The following MAGI2 variants were observed in gnomAD, a reference collection of about 807,000 sequenced individuals.
MAGI2 encodes membrane associated guanylate kinase, WW and PDZ domain containing 2.
MAGI2 carries 35 observed loss-of-function variants against 133.3 expected under a neutral mutation model. That is an observed-to-expected ratio of 0.26 (90% CI 0.20 to 0.35). The LOEUF (loss-of-function observed/expected upper bound fraction) is 0.35, where lower values mean the gene tolerates loss of function less well. Among genes scored for constraint, MAGI2 ranks in the 10% least tolerant of loss-of-function variants. The pLI is 1.00. For missense variants in MAGI2, 1,636 were observed against 1,863.4 expected, an observed-to-expected ratio of 0.88 and a Z score of 2.25; for synonymous variants, 729 against 710.6, an observed-to-expected ratio of 1.03 and a Z score of -0.41.
chr7:78,885,105 A>C (rs1369334159), intron 2 of MAGI2, among the ~76,000 whole-genome samples: 1 of 152,152 alleles, frequency 6.6e-6, no homozygotes, highest in East Asian at 1.9e-4. Flanking sequence ...GCTAAACATT[A>C]GGTACATATG....
intron 6 of MAGI2, among the ~76,000 whole-genome samples, chr7:78,449,675 AT>A (rs1788517937): frequency 6.6e-6 from 1 of 152,004 alleles, no homozygotes; most frequent in South Asian, 2.1e-4. Context: ...TGGCTTCAAA[AT>A]TTTTTTGAGG....
intron 3 of MAGI2, among the ~76,000 whole-genome samples, chr7:78,562,892 AT>A (rs1800555540): frequency 6.6e-6 from 1 of 151,782 alleles, no homozygotes; most frequent in Non-Finnish European, 1.5e-5. Context: ...GCACCTTCCC[AT>A]TTTAGCAGTT....
intron 2 of MAGI2, among the ~76,000 whole-genome samples, chr7:78,933,432 C>T (rs1800289112): frequency 6.6e-6 from 1 of 152,130 alleles, no homozygotes; most frequent in South Asian, 2.1e-4. Context: ...GCTTAGAACA[C>T]AGTGACTGAA....
chr7:78,837,572 T>C (rs1791748972), intron 2 of MAGI2, among the ~76,000 whole-genome samples: 1 of 152,132 alleles, frequency 6.6e-6, no homozygotes, highest in African/African-American at 2.4e-5. Context: ...AAAAAGGAAC[T>C]AACCAGTATA....
intron 3 of MAGI2, among the ~76,000 whole-genome samples, chr7:78,573,933 T>G (rs1802002574): frequency 6.6e-6 from 1 of 152,156 alleles, no homozygotes; most frequent in Admixed American, 6.5e-5. Flanking sequence ...TCCTTAATTC[T>G]CCTATTTTCA....
At chr7:78,203,045 G>A (rs6969704) in intron 10 of MAGI2, among the ~76,000 whole-genome samples, 124,884 of 152,224 alleles carry the variant, frequency 0.82, 51,652 homozygotes, top group Admixed American at 0.89. Context: ...TTGGCTGATT[G>A]ACCATTGTCT....
chr7:79,039,494 A>T (rs1811423131), intron 1 of MAGI2, among the ~76,000 whole-genome samples: 1 of 152,080 alleles, frequency 6.6e-6, no homozygotes, highest in African/African-American at 2.4e-5. Flanking sequence ...CAACAAACAC[A>T]AAAACAGACA....
chr7:78,405,065 G>A (rs1247224956), intron 6 of MAGI2, among the ~76,000 whole-genome samples: 1 of 152,034 alleles, frequency 6.6e-6, no homozygotes, highest in African/African-American at 2.4e-5. Context: ...GACTTCTAAG[G>A]AACTGCTTCC....
intron 2 of MAGI2, among the ~76,000 whole-genome samples, chr7:78,721,301 C>T (rs1344097064): frequency 1.3e-5 from 2 of 151,744 alleles, no homozygotes; most frequent in East Asian, 3.9e-4. Flanking sequence ...AATGTATATG[C>T]CCAGAAAAAT....
intron 1 of MAGI2, among the ~76,000 whole-genome samples, chr7:79,197,519 T>C (rs1205392463): frequency 6.6e-6 from 1 of 152,072 alleles, no homozygotes; most frequent in Non-Finnish European, 1.5e-5. Flanking sequence ...TTAATTTAAC[T>C]AACTTGGTCT....
intron 2 of MAGI2, among the ~76,000 whole-genome samples, chr7:78,872,122 C>T (rs1372759153): frequency 7.2e-6 from 1 of 138,914 alleles, no homozygotes; most frequent in Admixed American, 7.2e-5. Flanking sequence ...AACAAACAAA[C>T]AAATAAAATT....
In MAGI2 at chr7:79,315,324, A is replaced by AG. The variant is rs1563107001; in HGVS notation, c.301+137695_301+137696insC. 6.9e-3 allele frequency among the ~76,000 whole-genome samples: 579 copies of AG among 84,062 alleles called. 7 individuals are homozygous for AG. The highest frequency in any genetic ancestry group is 0.022 in the African/African-American group (534 of 24,194). The allele number at this position is 84,062 out of a possible 152,430, so 55.1% of individuals were successfully genotyped here. A position where few individuals can be genotyped will look rare whatever the true frequency, so the allele number is the denominator to read the frequency against. On this transcript the variant is annotated intron_variant, in intron 1 of 21. Transcript: ENST00000354212. ...CAGGCATGTGCAACCATGCCCAGTTAATTTTTTTTTTTTTTTTTTTTTGTA... is the reference window on the plus strand; with the variant it reads ...CAGGCATGTGCAACCATGCCCAGTTAGATTTTTTTTTTTTTTTTTTTTTGTA...
intron 21 of MAGI2, chr7:78,073,023 C>G: frequency 2.5e-6 from 1 of 398,466 alleles, no homozygotes. Context: ...ACATAGAGGC[C>G]AGTACTGCTT....
chr7:79,338,214 T>A (rs1173136310), intron 1 of MAGI2, among the ~76,000 whole-genome samples: 1 of 152,194 alleles, frequency 6.6e-6, no homozygotes, highest in African/African-American at 2.4e-5. Context: ...TTTGTTGCTG[T>A]TCTACATAGA....
chr7:79,425,087 A>C (rs1847246139), intron 1 of MAGI2, among the ~76,000 whole-genome samples: 1 of 151,878 alleles, frequency 6.6e-6, no homozygotes, highest in African/African-American at 2.4e-5. Flanking sequence ...ATCTCTACTA[A>C]AAATAGAAAA....
At chr7:78,462,383 T>C (rs1178531406) in intron 6 of MAGI2, among the ~76,000 whole-genome samples, 1 of 152,176 alleles carries the variant, frequency 6.6e-6, no homozygotes, top group Admixed American at 6.5e-5. Context: ...GAAAAATGTA[T>C]CGCTATTCTG....
chr7:78,655,992 A>G (rs1428396167), intron 2 of MAGI2, among the ~76,000 whole-genome samples: 5 of 150,732 alleles, frequency 3.3e-5, no homozygotes, highest in African/African-American at 7.3e-5. Context: ...AAAAAAAAAA[A>G]AAAAAGAAAA....
In MAGI2 at chr7:78,247,689, G is replaced by C. The variant is rs561738511; in HGVS notation, c.2047+8254C>G. Among the ~76,000 whole-genome samples, 344 of 152,208 alleles carry C rather than the reference G, an allele frequency of 2.3e-3. 2 individuals carry two copies. The highest frequency in any genetic ancestry group is 8.0e-3 in the African/African-American group (331 of 41,532). ...AATACAGAGCTTCAGTAGCAGACTAGATTAAGCAGAAGAAAGAATCTCTGA... is the reference window on the plus strand; with the variant it reads ...AATACAGAGCTTCAGTAGCAGACTACATTAAGCAGAAGAAAGAATCTCTGA... On this transcript the variant is annotated intron_variant, in intron 10 of 21. Transcript: ENST00000354212.
At chr7:78,956,320 G>A (rs1241786683) in intron 2 of MAGI2, among the ~76,000 whole-genome samples, 1 of 152,042 alleles carries the variant, frequency 6.6e-6, no homozygotes, top group Non-Finnish European at 1.5e-5. Flanking sequence ...CCCTCTCCTA[G>A]CAATTCTGTC....
Sources: allele counts gnomAD v4.1 joint callset (sites outside exome capture counted in the v4.1 genomes callset), GRCh38; gene constraint gnomAD v4.1.1; transcripts MANE v1.5; gene names NCBI Gene and HGNC (gene_info 2026-07-23, HGNC 2026-07-21).